The following C8orf34 variants were observed in gnomAD, a reference collection of about 807,000 sequenced individuals.
The protein encoded by C8orf34 is uncharacterized protein C8orf34.
In C8orf34, 65 loss-of-function variants were observed where a neutral mutation model predicts 68.3. The ratio of observed to expected loss-of-function variants is 0.95; its 90% CI spans 0.78 to 1.17. The LOEUF is 1.17. C8orf34 is among the 50% of genes most tolerant of loss of function. The pLI is 0.00. For synonymous variants in C8orf34, 244 were observed against 241.2 expected (o/e 1.01, Z -0.11); for missense variants, 664 against 655.4 (o/e 1.01, Z -0.14).
At chr8:68,404,931 G>A (rs1009511822) in intron 1 of C8orf34, among the ~76,000 whole-genome samples, 2 of 152,054 alleles carry the variant, frequency 1.3e-5, no homozygotes, top group East Asian at 1.9e-4. Flanking sequence ...GATGGGGATA[G>A]CATTGAATCT....
At chr8:68,476,997 G>C (rs953328098) in intron 4 of C8orf34, among the ~76,000 whole-genome samples, 1 of 152,136 alleles carries the variant, frequency 6.6e-6, no homozygotes, top group Non-Finnish European at 1.5e-5. Flanking sequence ...TTCCTAGAGA[G>C]TTTAGCAAGT....
At chr8:68,424,142 T>G (rs908580432) in intron 1 of C8orf34, among the ~76,000 whole-genome samples, 1 of 152,096 alleles carries the variant, frequency 6.6e-6, no homozygotes, top group Non-Finnish European at 1.5e-5. Flanking sequence ...CACCCACTGA[T>G]ACCAGTTGCC....
At chr8:68,519,067 G>A (rs1390120894) in intron 5 of C8orf34, among the ~76,000 whole-genome samples, 2 of 152,136 alleles carry the variant, frequency 1.3e-5, no homozygotes, top group East Asian at 1.9e-4. Context: ...CTACGATCAA[G>A]CGTATTAAAG....
At chr8:68,621,131 T>C (rs562019490) in intron 7 of C8orf34, among the ~76,000 whole-genome samples, 1 of 152,312 alleles carries the variant, frequency 6.6e-6, no homozygotes, top group South Asian at 2.1e-4. Flanking sequence ...AAGTACAAGA[T>C]GTGTACTCCT....
chr8:68,331,185 G>A lies in C8orf34; in HGVS notation c.173G>A (p.Ser58Asn), dbSNP rs1037359048. 6.5e-7 allele frequency: 1 copy of A among 1,533,310 alleles called. No homozygotes were observed. Among genetic ancestry groups the A allele is most frequent in the Non-Finnish European group, 8.7e-7 (1 of 1,144,880 alleles). 95.0% of individuals were successfully genotyped at this position (1,533,310 alleles called of 1,614,324 possible). Reference protein sequence around the residue: ...PRLRSSCPGPSPGKRRVVPSG... With the variant: ...PRLRSSCPGPNPGKRRVVPSG... Reference sequence around the variant, plus strand: ...CTCCGGAGCTCCTGTCCCGGCCCCAGTCCGGGTAAAAGGAGGGTTGTCCCC... The same window carrying A: ...CTCCGGAGCTCCTGTCCCGGCCCCAATCCGGGTAAAAGGAGGGTTGTCCCC... Residue 58 changes from serine (S) to asparagine (N), a missense_variant, in exon 1 of 14, where the codon AGT becomes AAT. Coordinates refer to ENST00000518698, the MANE Select transcript of C8orf34 (RefSeq NM_052958.4).
At position 68,565,387 on chromosome 8, in the gene C8orf34, A is replaced by G. The variant is rs150880773; in HGVS notation, c.1105+32238A>G. ...ATAAAGCTGCTTGTCCAATGGTTAC[A>G]GGTTAGGGTAAAGCTAAAATGAGTC... On this transcript the variant is annotated intron_variant, in intron 7 of 13. Transcript: ENST00000518698. 3.6e-3 allele frequency among the ~76,000 whole-genome samples: 542 copies of G among 152,298 alleles called. 4 individuals carry two copies. Among genetic ancestry groups the G allele is most frequent in the African/African-American group, 0.012 (515 of 41,564 alleles).
chr8:68,628,943 G>C (rs1818613351), intron 7 of C8orf34, among the ~76,000 whole-genome samples: 1 of 151,848 alleles, frequency 6.6e-6, no homozygotes, highest in Admixed American at 6.6e-5. Context: ...CATATCTTTG[G>C]TCATAAATTG....
chr8:68,550,828 G>A (rs1177225322), intron 7 of C8orf34, among the ~76,000 whole-genome samples: 2 of 150,596 alleles, frequency 1.3e-5, no homozygotes, highest in African/African-American at 2.4e-5. Context: ...CTTCTTGCTT[G>A]CATCATTTCT....
chr8:68,705,042 C>T (rs72666783), intron 8 of C8orf34, among the ~76,000 whole-genome samples: 243 of 152,136 alleles, frequency 1.6e-3, no homozygotes, highest in Non-Finnish European at 2.9e-3. Flanking sequence ...GTGATAGATT[C>T]GAGACATTTC....
intron 7 of C8orf34, among the ~76,000 whole-genome samples, chr8:68,626,122 G>A (rs1037358293): frequency 2.0e-4 from 30 of 152,238 alleles, no homozygotes; most frequent in Non-Finnish European, 4.3e-4. Flanking sequence ...GAGAGGAAGG[G>A]AAGTGAAGTA....
rs116817164 is a variant in C8orf34 at position 68,483,254 on chromosome 8, T to A, written c.737-4769T>A. 3.4e-3 allele frequency among the ~76,000 whole-genome samples: 522 copies of A among 152,302 alleles called. 2 individuals carry two copies. Among genetic ancestry groups the A allele is most frequent in the African/African-American group, 0.012 (485 of 41,572 alleles). ...TATGAGAACTGTGTTTTGAAATAAG[T>A]TTCTGATACTAATGTGTTTTGTGCT... is the stretch of plus-strand genomic sequence containing the variant. On this transcript the variant is annotated intron_variant, in intron 4 of 13. Coordinates refer to ENST00000518698, the MANE Select transcript of C8orf34 (RefSeq NM_052958.4).
intron 1 of C8orf34, among the ~76,000 whole-genome samples, chr8:68,382,133 G>T (rs1166963436): frequency 6.6e-6 from 1 of 152,078 alleles, no homozygotes; most frequent in Non-Finnish European, 1.5e-5. Context: ...ATTTCCTATT[G>T]TATTGAATAT....
At chr8:68,817,980 TG>T (rs1824868568) in intron 13 of C8orf34, among the ~76,000 whole-genome samples, 1 of 148,222 alleles carries the variant, frequency 6.7e-6, no homozygotes, top group Non-Finnish European at 1.5e-5. Flanking sequence ...TTATGGGGAT[TG>T]TAATTCAACG....
At chr8:68,535,502 GT>G in intron 7 of C8orf34, 1 of 959,184 alleles carries the variant, frequency 1.0e-6, no homozygotes, top group Non-Finnish European at 1.2e-6. Flanking sequence ...AATAAAATTG[GT>G]TGATTTGAAG....
chr8:68,458,415 G>C lies in C8orf34; in HGVS notation c.608-10277G>C, dbSNP rs571259130. ...CTGGGATGATGGGAACCTAGGCTGT[G>C]TCTGGTAGATATCCAGGGATATTGA... On this transcript the variant is annotated intron_variant, in intron 3 of 13. Coordinates refer to ENST00000518698, the MANE Select transcript of C8orf34 (RefSeq NM_052958.4). Among the ~76,000 whole-genome samples, 16 of 152,164 alleles carry C rather than the reference G, an allele frequency of 1.1e-4. No homozygotes were observed. The South Asian group carries it at 3.3e-3, about 32-fold the overall frequency.
Position 68,814,545 on chromosome 8 carries a change from T to G in C8orf34, c.1550-1341T>G, listed in dbSNP as rs189020734. Reference sequence around the variant, plus strand: ...AACCTCCACCTTCAATCCAAATATTTTTTTGTAGTTCCTATTCATCTAAAT... The same window carrying G: ...AACCTCCACCTTCAATCCAAATATTGTTTTGTAGTTCCTATTCATCTAAAT... On this transcript the variant is annotated intron_variant, in intron 12 of 13. Transcript: ENST00000518698. 3.3e-3 allele frequency among the ~76,000 whole-genome samples: 505 copies of G among 152,316 alleles called. 1 individual carries two copies. The highest frequency in any genetic ancestry group is 5.8e-3 in the Non-Finnish European group (395 of 68,012).
At chr8:68,717,259 T>C (rs1164122515) in intron 9 of C8orf34, among the ~76,000 whole-genome samples, 1 of 152,032 alleles carries the variant, frequency 6.6e-6, no homozygotes, top group Non-Finnish European at 1.5e-5. Flanking sequence ...AAAACATAAG[T>C]GACAAAACTA....
At chr8:68,441,046 C>T (rs995457132) in intron 2 of C8orf34, among the ~76,000 whole-genome samples, 27 of 152,218 alleles carry the variant, frequency 1.8e-4, no homozygotes, top group Admixed American at 4.6e-4. Context: ...CCTCGTGATC[C>T]GCCCTCCTTG....
At chr8:68,797,872 G>A (rs1824222447) in intron 12 of C8orf34, among the ~76,000 whole-genome samples, 1 of 152,176 alleles carries the variant, frequency 6.6e-6, no homozygotes, top group Admixed American at 6.5e-5. Flanking sequence ...GGAAAAAAGT[G>A]AGACAGGACT....
Sources: gnomAD v4.1 joint callset for allele counts (sites outside exome capture counted in the v4.1 genomes callset) on GRCh38, gnomAD v4.1.1 for gene constraint, MANE v1.5 for transcripts, NCBI Gene and HGNC (gene_info 2026-07-23, HGNC 2026-07-21) for gene names.